C2orf92: variants seen among roughly 807,000 people sequenced by gnomAD.
The protein encoded by C2orf92 is chromosome 2 open reading frame 92.
intron 3 of C2orf92, among the ~76,000 whole-genome samples, chr2:97,681,106 CAAAAAAAA>C (rs58856044): frequency 2.5e-4 from 3 of 11,968 alleles, no homozygotes; most frequent in Non-Finnish European, 5.0e-4. Context: ...GACTCCATCT[CAAAAAAAA>C]AAAAAAAAAA....
At position 97,702,818 on chromosome 2, in the gene C2orf92, G is replaced by A. The variant is rs985658457; in HGVS notation, c.*17G>A. On this transcript the variant is annotated 3_prime_UTR_variant, in exon 8 of 8. Transcript: ENST00000627399. ...TGTGTCTAAGCCAGGTCGTGGGGCC[G>A]TCAAACCAGGACTTGAAACCACAAT... 6 of 398,988 alleles carry A rather than the reference G, an allele frequency of 1.5e-5. No individual in the cohort carries two copies. Among genetic ancestry groups the A allele is most frequent in the South Asian group, 1.3e-4 (1 of 7,852 alleles). 24.7% of individuals were successfully genotyped at this position (398,988 alleles called of 1,614,324 possible).
chr2:97,693,472 T>A (rs1676205053), intron 5 of C2orf92, among the ~76,000 whole-genome samples: 1 of 152,230 alleles, frequency 6.6e-6, no homozygotes. Flanking sequence ...TTTCTTCACA[T>A]CCTTGTTAAC....
chr2:97,687,542 G>A (rs1573218245), intron 3 of C2orf92, among the ~76,000 whole-genome samples: 1 of 152,108 alleles, frequency 6.6e-6, no homozygotes, highest in East Asian at 1.9e-4. Flanking sequence ...GGCCAGTGAA[G>A]TCTCTCCTGA....
At chr2:97,672,968 T>G (rs1049631663) in intron 1 of C2orf92, among the ~76,000 whole-genome samples, 13 of 152,106 alleles carry the variant, frequency 8.5e-5, no homozygotes, top group Non-Finnish European at 1.6e-4. Flanking sequence ...GTAAAACTGC[T>G]TCTTCCCAGG....
intron 6 of C2orf92, among the ~76,000 whole-genome samples, chr2:97,700,410 C>T (rs1676454540): frequency 6.6e-6 from 1 of 152,162 alleles, no homozygotes; most frequent in African/African-American, 2.4e-5. Flanking sequence ...CTGTGAAAAG[C>T]TGCAGAGTGT....
At chr2:97,663,950 C>A, upstream of C2orf92, 1 of 195,500 alleles carries the variant, frequency 5.1e-6, no homozygotes, top group Non-Finnish European at 1.1e-5. Flanking sequence ...GATGGGCGGG[C>A]GGGCGGGAGG....
In C2orf92 at chr2:97,702,656, T is replaced by C. The variant is rs1676532723; in HGVS notation, c.666-13T>C. The C allele has an allele frequency of 2.5e-6, 1 of 398,896 alleles. No individual in the cohort carries two copies. The highest frequency in any genetic ancestry group is 2.1e-5 in the African/African-American group (1 of 48,610). 24.7% of individuals were successfully genotyped at this position (398,896 alleles called of 1,614,324 possible). A position where few individuals can be genotyped will look rare whatever the true frequency, so the allele number is the denominator to read the frequency against. ...CTGAGCTGAGCACTGTGGTTTTTGT[T>C]ATTTTGTTTTAGATCTCCTCTGGCA... On this transcript the variant is annotated splice_polypyrimidine_tract_variant and intron_variant, in intron 7 of 7. Coordinates refer to ENST00000627399, the MANE Select transcript of C2orf92 (RefSeq NM_001351368.2).
chr2:97,698,768 T>C (rs1347693414), intron 5 of C2orf92, among the ~76,000 whole-genome samples: 2 of 152,192 alleles, frequency 1.3e-5, no homozygotes, highest in Non-Finnish European at 2.9e-5. Context: ...CCTCCCAGTG[T>C]GATTCAGATG....
chr2:97,700,637 AGCAGATGAAT>A (rs1676461675), intron 6 of C2orf92, among the ~76,000 whole-genome samples: 2 of 152,088 alleles, frequency 1.3e-5, no homozygotes, highest in African/African-American at 4.8e-5. Flanking sequence ...ATCGCCAAAT[AGCAGATGAAT>A]GCATATGAAT....
upstream of C2orf92, among the ~76,000 whole-genome samples, chr2:97,664,955 G>C (rs1235265059): frequency 6.6e-6 from 1 of 152,164 alleles, no homozygotes; most frequent in African/African-American, 2.4e-5. Context: ...TTTGGTCCTG[G>C]CATTTATTGA....
intron 1 of C2orf92, 53 bp from the exon 2 acceptor site, chr2:97,674,403 G>A (rs1675509067): frequency 2.5e-6 from 1 of 398,318 alleles, no homozygotes; most frequent in Non-Finnish European, 4.4e-6. Context: ...TCTGCTTTAG[G>A]TACTTAGCAA....
chr2:97,700,883 C>T (rs1676471391), intron 6 of C2orf92, among the ~76,000 whole-genome samples: 1 of 152,176 alleles, frequency 6.6e-6, no homozygotes, highest in African/African-American at 2.4e-5. Context: ...GCGCCCGCCA[C>T]CACGCCCGGC....
chr2:97,665,717 CTCTCTCTCTCTCTCTCTCTCTATATATA>C (rs1276603249), upstream of C2orf92: 506 of 48,296 alleles, frequency 0.01, 2 homozygotes, highest in Non-Finnish European at 0.015. Context: ...CTCTCTCTCT[CTCTCTCTCTCTCTCTCTCTCTATATATA>C]TATATATATA....
At chr2:97,698,578 C>A (rs1434314701) in intron 5 of C2orf92, among the ~76,000 whole-genome samples, 1 of 152,096 alleles carries the variant, frequency 6.6e-6, no homozygotes, top group Non-Finnish European at 1.5e-5. Flanking sequence ...GTCTCATTAT[C>A]TCTATTTTAT....
At chr2:97,678,389 A>G (rs1323072279) in intron 3 of C2orf92, among the ~76,000 whole-genome samples, 1 of 152,058 alleles carries the variant, frequency 6.6e-6, no homozygotes, top group Non-Finnish European at 1.5e-5. Flanking sequence ...AGATATGAAG[A>G]CAATGTTTGA....
chr2:97,672,791 G>A (rs993638153), intron 1 of C2orf92, among the ~76,000 whole-genome samples: 13 of 152,052 alleles, frequency 8.5e-5, no homozygotes. Context: ...TTGTCCTGGT[G>A]ACCCCGATGG....
At chr2:97,666,474 T>G (rs914174267), upstream of C2orf92, among the ~76,000 whole-genome samples, 3 of 146,384 alleles carry the variant, frequency 2.0e-5, no homozygotes, top group Non-Finnish European at 4.5e-5. Flanking sequence ...GAGGCGGAGG[T>G]TGCAGTGAGC....
intron 3 of C2orf92, among the ~76,000 whole-genome samples, chr2:97,682,649 G>T (rs573502451): frequency 7.2e-6 from 1 of 139,368 alleles, no homozygotes; most frequent in East Asian, 1.9e-4. Flanking sequence ...CAGAAGGATG[G>T]TTGAACATAA....
At chr2:97,682,496 A>G (rs1040792245) in intron 3 of C2orf92, among the ~76,000 whole-genome samples, 2 of 152,216 alleles carry the variant, frequency 1.3e-5, no homozygotes, top group Non-Finnish European at 2.9e-5. Flanking sequence ...TACCAAAGGC[A>G]GACAAAGTCA....
Sources: gnomAD v4.1 joint callset for allele counts (sites outside exome capture counted in the v4.1 genomes callset) on GRCh38, gnomAD v4.1.1 for gene constraint, MANE v1.5 for transcripts, NCBI Gene and HGNC (gene_info 2026-07-23, HGNC 2026-07-21) for gene names.